Variants in MYO1B observed in about 807,000 individuals in gnomAD.
The protein encoded by MYO1B is unconventional myosin-Ib.
In MYO1B, 72 loss-of-function variants were observed where a neutral mutation model predicts 159.7. That is an observed-to-expected ratio of 0.45 (90% CI 0.37 to 0.55). MYO1B has a LOEUF of 0.55. MYO1B is among the 20% of genes least tolerant of loss of function. The pLI is 0.00. For synonymous variants in MYO1B, 468 were observed against 473.8 expected, an observed-to-expected ratio of 0.99 and a Z score of 0.16; for missense variants, 1,062 against 1,364.8, an observed-to-expected ratio of 0.78 and a Z score of 3.50.
At chr2:191,347,286 C>T (rs1692629380) in intron 6 of MYO1B, among the ~76,000 whole-genome samples, 1 of 152,106 alleles carries the variant, frequency 6.6e-6, no homozygotes. Flanking sequence ...TTCCTAATTC[C>T]AAGGCTGTGA....
At chr2:191,335,531 AG>A (rs1192138313) in intron 4 of MYO1B, among the ~76,000 whole-genome samples, 1 of 152,148 alleles carries the variant, frequency 6.6e-6, no homozygotes, top group Admixed American at 6.6e-5. Flanking sequence ...CTCAGTTTTG[AG>A]CAGAAGAGGG....
intron 3 of MYO1B, among the ~76,000 whole-genome samples, chr2:191,302,676 G>A (rs1384881511): frequency 6.6e-6 from 1 of 152,176 alleles, no homozygotes; most frequent in Non-Finnish European, 1.5e-5. Flanking sequence ...GAGCTGAGAT[G>A]TGTCCTTCTT....
In MYO1B at chr2:191,343,507, T is replaced by C. The variant is rs1453798498; in HGVS notation, c.451+1942T>C. On this transcript the variant is annotated intron_variant, in intron 5 of 30. Transcript: ENST00000392318. ...AATGAAGGCAAATCATCTATTATGC[T>C]GTTTTTGATCTTTCCTCCATTGCAA... is the stretch of plus-strand genomic sequence containing the variant. Among the ~76,000 whole-genome samples, 4 of 152,268 alleles carry C rather than the reference T, an allele frequency of 2.6e-5. No individual in the cohort carries two copies. In the East Asian group the frequency reaches 7.7e-4, roughly 29 times the overall value.
intron 1 of MYO1B, among the ~76,000 whole-genome samples, chr2:191,273,807 C>G (rs56328712): frequency 0.38 from 57,378 of 151,790 alleles, 10,973 homozygotes; most frequent in Middle Eastern, 0.52. Flanking sequence ...TTAATTCTCC[C>G]TAGAGCCCCA....
intron 1 of MYO1B, among the ~76,000 whole-genome samples, chr2:191,274,182 A>G (rs1687618806): frequency 6.6e-6 from 1 of 152,218 alleles, no homozygotes; most frequent in South Asian, 2.1e-4. Flanking sequence ...TCTTGGTGTC[A>G]CCTTTTCACT....
At chr2:191,326,207 T>G (rs1691053300) in intron 3 of MYO1B, among the ~76,000 whole-genome samples, 1 of 152,210 alleles carries the variant, frequency 6.6e-6, no homozygotes, top group Non-Finnish European at 1.5e-5. Flanking sequence ...AACTAAAGAC[T>G]TCTCTAAAGA....
intron 21 of MYO1B, among the ~76,000 whole-genome samples, chr2:191,398,445 G>A (rs1310064794): frequency 1.4e-5 from 2 of 144,280 alleles, no homozygotes; most frequent in African/African-American, 5.1e-5. Flanking sequence ...CTCCCTCCCG[G>A]ACGGAGACGC....
At chr2:191,384,587 T>C (rs910418092) in intron 15 of MYO1B, among the ~76,000 whole-genome samples, 2 of 152,220 alleles carry the variant, frequency 1.3e-5, no homozygotes, top group African/African-American at 4.8e-5. Context: ...CATAAGCAAT[T>C]CAGATCTCTG....
chr2:191,338,154 A>T (rs896078484), intron 4 of MYO1B, among the ~76,000 whole-genome samples: 1 of 151,952 alleles, frequency 6.6e-6, no homozygotes, highest in Admixed American at 6.6e-5. Context: ...AAAAAAAATT[A>T]TAAGAGTTGT....
Position 191,380,508 on chromosome 2 carries a change from A to G in MYO1B, c.1186-954A>G, listed in dbSNP as rs564917261. ...GCGATAAAGAAAAATAGAGGTGAAA[A>G]CAAGTTTTAGTGTCAGATCTACTTC... On this transcript the variant is annotated intron_variant, in intron 13 of 30. Transcript: ENST00000392318. Among the ~76,000 whole-genome samples the G allele has an allele frequency of 2.0e-5, 3 of 152,308 alleles. No homozygotes were observed. The South Asian group carries it at 6.2e-4, about 32-fold the overall frequency.
chr2:191,412,813 A>C (rs1386102425), intron 27 of MYO1B, among the ~76,000 whole-genome samples: 1 of 147,926 alleles, frequency 6.8e-6, no homozygotes. Context: ...ATAAGTGTAC[A>C]GTTAACCTTT....
At chr2:191,370,157 A>C in intron 12 of MYO1B, 70 bp from the exon 13 acceptor site, 1 of 953,890 alleles carries the variant, frequency 1.0e-6, no homozygotes, top group African/African-American at 1.6e-5. Context: ...ATATATATCT[A>C]TGTTCCTTGG....
intron 13 of MYO1B, among the ~76,000 whole-genome samples, chr2:191,376,118 G>A (rs1340431898): frequency 1.3e-5 from 2 of 152,100 alleles, no homozygotes; most frequent in African/African-American, 2.4e-5. Context: ...ATTTTAAAAT[G>A]TTTAAGAAGA....
intron 19 of MYO1B, 100 bp from the exon 20 acceptor site, chr2:191,392,973 G>T: frequency 1.0e-6 from 1 of 994,746 alleles, no homozygotes; most frequent in South Asian, 1.8e-5. Flanking sequence ...CAATGTAATT[G>T]ACTCCAACAT....
chr2:191,295,731 G>A (rs1221920816), intron 2 of MYO1B, among the ~76,000 whole-genome samples: 1 of 152,108 alleles, frequency 6.6e-6, no homozygotes, highest in African/African-American at 2.4e-5. Context: ...GATGAGAGAA[G>A]AAGGGGAACT....
chr2:191,360,613 T>G lies in MYO1B; in HGVS notation c.563-18T>G. On this transcript the variant is annotated intron_variant, in intron 7 of 30. Transcript: ENST00000392318. ...AAGTGAAACAAATGCCATACTATGATTTAACTCTTCTCTTTAGATCTTTTA... is the reference window on the plus strand; with the variant it reads ...AAGTGAAACAAATGCCATACTATGAGTTAACTCTTCTCTTTAGATCTTTTA... 1 of 1,530,626 alleles carries G rather than the reference T, an allele frequency of 6.5e-7. No homozygotes were observed. The highest frequency in any genetic ancestry group is 9.0e-7 in the Non-Finnish European group (1 of 1,111,108). The allele number at this position is 1,530,626 out of a possible 1,614,324, so 94.8% of individuals were successfully genotyped here.
chr2:191,330,568 G>T (rs1359322475), intron 4 of MYO1B, among the ~76,000 whole-genome samples: 1 of 152,102 alleles, frequency 6.6e-6, no homozygotes, highest in African/African-American at 2.4e-5. Flanking sequence ...TTCCCCTTGT[G>T]CTTTTAATAA....
chr2:191,369,926 C>T (rs1167700616), intron 12 of MYO1B, among the ~76,000 whole-genome samples: 1 of 152,064 alleles, frequency 6.6e-6, no homozygotes, highest in Non-Finnish European at 1.5e-5. Context: ...ACACACTTTG[C>T]TGAAAAGGTC....
chr2:191,364,194 A>G lies in MYO1B; in HGVS notation c.950A>G (p.Gln317Arg). Residue 317 changes from glutamine (Q) to arginine (R), a missense_variant, in exon 11 of 31, where the codon CAA becomes CGA. Gln to Arg is a conservative substitution (Grantham distance 43). Around this residue, in one of 5 missense-constraint regions of MYO1B, gnomAD observed 415 missense variants for 544.0 expected, o/e 0.76. Coordinates refer to ENST00000392318, the MANE Select transcript of MYO1B (RefSeq NM_001130158.3). ...ATTTGTGAATTGACCGGCATTGATC[A>G]ATCAGTTCTAGAACGAGCATTCAGT... ...KEICELTGIDQSVLERAFSFR... is the reference protein window; with the variant it reads ...KEICELTGIDRSVLERAFSFR... 1.2e-6 allele frequency: 2 copies of G among 1,613,962 alleles called. No homozygotes were observed. The highest frequency in any genetic ancestry group is 1.7e-6 in the Non-Finnish European group (2 of 1,179,860).
Sources: gnomAD v4.1 joint callset for allele counts (sites outside exome capture counted in the v4.1 genomes callset) on GRCh38, gnomAD v4.1.1 for gene constraint, gnomAD v4.1.1 regional missense constraint, MANE v1.5 for transcripts, NCBI Gene and HGNC (gene_info 2026-07-23, HGNC 2026-07-21) for gene names.